The following ADGRL3 variants were observed in gnomAD, a reference collection of about 807,000 sequenced individuals.
ADGRL3 encodes the protein calcium-independent alpha-latrotoxin receptor 3.
ADGRL3 carries 62 observed loss-of-function variants against 153.5 expected under a neutral mutation model. That is an observed-to-expected ratio of 0.40 (90% confidence interval 0.33 to 0.50). ADGRL3 has a LOEUF of 0.50. Among genes scored for constraint, ADGRL3 ranks in the 20% least tolerant of loss-of-function variants. The pLI is 0.47. For synonymous variants in ADGRL3, 710 were observed against 672.5 expected (o/e 1.06, Z -0.86); for missense variants, 1,641 against 1,859.4 (o/e 0.88, Z 2.16).
chr4:61,813,472 C>CA (rs2097653312), intron 8 of ADGRL3, among the ~76,000 whole-genome samples: 1 of 151,938 alleles, frequency 6.6e-6, no homozygotes, highest in South Asian at 2.1e-4. Flanking sequence ...AATCTAACAA[C>CA]AAAAAATAAG....
chr4:61,546,102 C>T (rs1040425484), intron 4 of ADGRL3, among the ~76,000 whole-genome samples: 1 of 152,122 alleles, frequency 6.6e-6, no homozygotes, highest in Non-Finnish European at 1.5e-5. Flanking sequence ...ACTGCTTCTG[C>T]TCTTACCCAC....
At chr4:61,652,335 C>G (rs984472790) in intron 5 of ADGRL3, among the ~76,000 whole-genome samples, 6 of 152,044 alleles carry the variant, frequency 3.9e-5, no homozygotes, top group Non-Finnish European at 7.4e-5. Context: ...TTTACCCAGT[C>G]TGAAGATTAA....
At chr4:61,573,044 T>C (rs897667409) in intron 4 of ADGRL3, among the ~76,000 whole-genome samples, 1 of 151,950 alleles carries the variant, frequency 6.6e-6, no homozygotes, top group Admixed American at 6.6e-5. Context: ...AGGACCTACA[T>C]AACAGTTACT....
At chr4:61,804,963 A>ATTTT (rs370949071) in intron 8 of ADGRL3, among the ~76,000 whole-genome samples, 1 of 144,024 alleles carries the variant, frequency 6.9e-6, no homozygotes, top group African/African-American at 2.6e-5. Flanking sequence ...TTATTTATTT[A>ATTTT]TTTTTTTTTT....
intron 5 of ADGRL3, among the ~76,000 whole-genome samples, chr4:61,632,394 T>C (rs2093220669): frequency 6.6e-6 from 1 of 152,154 alleles, no homozygotes; most frequent in Non-Finnish European, 1.5e-5. Context: ...AAGAAAGCAA[T>C]AGTCATCATC....
intron 5 of ADGRL3, among the ~76,000 whole-genome samples, chr4:61,599,272 G>T (rs74737503): frequency 0.049 from 7,510 of 152,230 alleles, 574 homozygotes; most frequent in African/African-American, 0.17. Context: ...CATTCCTTCT[G>T]GGTATGAGGC....
intron 6 of ADGRL3, among the ~76,000 whole-genome samples, chr4:61,687,150 C>T (rs573812020): frequency 7.3e-5 from 11 of 150,284 alleles, no homozygotes; most frequent in East Asian, 3.9e-4. Context: ...TTTTTCAAAA[C>T]GCTTTAATAA....
Position 62,068,152 on chromosome 4 carries a change from A to G in ADGRL3, c.3815-14A>G. 6.4e-7 allele frequency: 1 copy of G among 1,555,132 alleles called. No individual in the cohort carries two copies. The highest frequency in any genetic ancestry group is 8.6e-7 in the Non-Finnish European group (1 of 1,158,634). ...TGTTGTTTTTTCTTTCCTTTTCTTCATGCTGTCGTTTAGAGCCCTACAGAG... is the reference window on the plus strand; with the variant it reads ...TGTTGTTTTTTCTTTCCTTTTCTTCGTGCTGTCGTTTAGAGCCCTACAGAG... On this transcript the variant is annotated splice_polypyrimidine_tract_variant and intron_variant, in intron 25 of 26. Coordinates refer to ENST00000683033, the MANE Select transcript of ADGRL3 (RefSeq NM_001387552.1).
chr4:61,209,164 T>C (rs1738684605), intron 1 of ADGRL3, among the ~76,000 whole-genome samples: 1 of 152,152 alleles, frequency 6.6e-6, no homozygotes, highest in South Asian at 2.1e-4. Flanking sequence ...TCCAGAACTT[T>C]GGTCAATTCT....
intron 5 of ADGRL3, among the ~76,000 whole-genome samples, chr4:61,593,659 A>G (rs924035507): frequency 6.6e-6 from 1 of 152,034 alleles, no homozygotes; most frequent in Non-Finnish European, 1.5e-5. Context: ...TGTCAGATAC[A>G]TTGGAGCTTT....
chr4:61,639,341 A>T (rs1389097286), intron 5 of ADGRL3, among the ~76,000 whole-genome samples: 1 of 152,158 alleles, frequency 6.6e-6, no homozygotes, highest in Non-Finnish European at 1.5e-5. Context: ...TGTTTAATGT[A>T]GTATATGAAT....
intron 2 of ADGRL3, among the ~76,000 whole-genome samples, chr4:61,448,468 G>T (rs369831195): frequency 1.3e-5 from 2 of 151,990 alleles, no homozygotes; most frequent in African/African-American, 4.8e-5. Context: ...ACCTATCTGT[G>T]CCCTAGTTTT....
At chr4:61,591,819 G>A (rs951580937) in intron 5 of ADGRL3, among the ~76,000 whole-genome samples, 1 of 151,974 alleles carries the variant, frequency 6.6e-6, no homozygotes, top group Non-Finnish European at 1.5e-5. Context: ...GCTCACACCT[G>A]TAATCGCAGC....
intron 1 of ADGRL3, among the ~76,000 whole-genome samples, chr4:61,337,255 T>C (rs571147109): frequency 6.6e-6 from 1 of 152,292 alleles, no homozygotes; most frequent in South Asian, 2.1e-4. Context: ...ATCTGTTTTG[T>C]TTATTCCCTC....
intron 13 of ADGRL3, among the ~76,000 whole-genome samples, chr4:61,929,612 G>A (rs2098808956): frequency 6.6e-6 from 1 of 152,148 alleles, no homozygotes; most frequent in Non-Finnish European, 1.5e-5. Context: ...AAGAGTTAGG[G>A]AACACTGCTT....
intron 9 of ADGRL3, among the ~76,000 whole-genome samples, chr4:61,875,447 T>C (rs887260447): frequency 6.6e-6 from 1 of 152,216 alleles, no homozygotes; most frequent in Non-Finnish European, 1.5e-5. Flanking sequence ...CTTGTTATAA[T>C]AAATTTTGTT....
At chr4:61,700,287 C>G (rs1220482714) in intron 6 of ADGRL3, among the ~76,000 whole-genome samples, 2 of 117,072 alleles carry the variant, frequency 1.7e-5, no homozygotes, top group Non-Finnish European at 3.5e-5. Flanking sequence ...GCTTGTTGCC[C>G]TAAGTTTCAC....
intron 6 of ADGRL3, among the ~76,000 whole-genome samples, chr4:61,696,562 A>G (rs979498163): frequency 3.9e-5 from 6 of 151,926 alleles, no homozygotes; most frequent in East Asian, 3.9e-4. Flanking sequence ...TCAAAATTCT[A>G]CCTACCACAA....
At chr4:62,027,636 G>A (rs1327961405) in intron 21 of ADGRL3, among the ~76,000 whole-genome samples, 1 of 151,658 alleles carries the variant, frequency 6.6e-6, no homozygotes, top group Non-Finnish European at 1.5e-5. Context: ...TATGTATTTG[G>A]GGTTTTATTC....
Sources: allele counts gnomAD v4.1 joint callset (sites outside exome capture counted in the v4.1 genomes callset), GRCh38; gene constraint gnomAD v4.1.1; transcripts MANE v1.5; gene names NCBI Gene and HGNC (gene_info 2026-07-23, HGNC 2026-07-21).